RSRC1: variants seen among roughly 807,000 people sequenced by gnomAD.
The protein encoded by RSRC1 is arginine and serine rich coiled-coil 1, also known as serine/Arginine-related protein 53.
A neutral mutation model predicts 49.1 loss-of-function variants in RSRC1; 39 were observed. The ratio of observed to expected loss-of-function variants is 0.79; its 90% CI spans 0.61 to 1.04. The LOEUF is 1.04. RSRC1 is among the 50% of genes least tolerant of loss of function. RSRC1 has a pLI of 0.00. For missense variants in RSRC1, 388 were observed against 402.4 expected, an observed-to-expected ratio of 0.96 and a Z score of 0.31; for synonymous variants, 143 against 130.8, an observed-to-expected ratio of 1.09 and a Z score of -0.63.
At chr3:158,336,100 T>G (rs1729868099) in intron 5 of RSRC1, among the ~76,000 whole-genome samples, 1 of 152,230 alleles carries the variant, frequency 6.6e-6, no homozygotes, top group Non-Finnish European at 1.5e-5. Context: ...CACTTATCTT[T>G]GGGCACATTT....
At chr3:158,487,287 A>G (rs1345592213) in intron 7 of RSRC1, among the ~76,000 whole-genome samples, 1 of 108,682 alleles carries the variant, frequency 9.2e-6, no homozygotes. Flanking sequence ...TTAAATATTC[A>G]ATTTATAATT....
intron 7 of RSRC1, among the ~76,000 whole-genome samples, chr3:158,494,190 A>G (rs928446764): frequency 6.6e-6 from 1 of 152,162 alleles, no homozygotes; most frequent in Non-Finnish European, 1.5e-5. Flanking sequence ...CCTACTACAC[A>G]CCTCAACTAT....
At chr3:158,194,510 A>G (rs1253262429) in intron 3 of RSRC1, among the ~76,000 whole-genome samples, 2 of 122,386 alleles carry the variant, frequency 1.6e-5, no homozygotes, top group African/African-American at 6.4e-5. Flanking sequence ...TTTTTTTTTA[A>G]TTATACATTA....
chr3:158,229,730 T>C (rs1722846373), intron 4 of RSRC1, among the ~76,000 whole-genome samples: 1 of 151,268 alleles, frequency 6.6e-6, no homozygotes, highest in Admixed American at 6.6e-5. Context: ...TCCAGACTCA[T>C]CAATTGTTTA....
chr3:158,195,193 A>G (rs146716269), intron 3 of RSRC1, among the ~76,000 whole-genome samples: 11,684 of 152,152 alleles, frequency 0.077, 545 homozygotes, highest in South Asian at 0.13. Flanking sequence ...CGCCATTCTA[A>G]TGGGTGTGAG....
At chr3:158,357,063 G>A (rs547690964) in intron 6 of RSRC1, among the ~76,000 whole-genome samples, 40 of 152,248 alleles carry the variant, frequency 2.6e-4, no homozygotes, top group African/African-American at 9.6e-4. Flanking sequence ...TTTTGGCCTA[G>A]GCCCGATAAG....
intron 3 of RSRC1, among the ~76,000 whole-genome samples, chr3:158,184,183 C>T (rs947594937): frequency 1.3e-5 from 2 of 151,906 alleles, no homozygotes; most frequent in Admixed American, 1.3e-4. Context: ...TTATTCATTA[C>T]TAGGTTGCCT....
chr3:158,146,137 T>G (rs1034460001), intron 3 of RSRC1, among the ~76,000 whole-genome samples: 29 of 152,210 alleles, frequency 1.9e-4, no homozygotes, highest in Non-Finnish European at 3.4e-4. Context: ...TCCTGCCTGA[T>G]TGCCCTGGTC....
intron 7 of RSRC1, among the ~76,000 whole-genome samples, chr3:158,518,741 C>T (rs1560074116): frequency 2.0e-5 from 3 of 152,114 alleles, no homozygotes; most frequent in Non-Finnish European, 4.4e-5. Context: ...CTCTGAGCAG[C>T]ATTTAACTCA....
At chr3:158,514,882 T>G (rs991809836) in intron 7 of RSRC1, among the ~76,000 whole-genome samples, 8 of 152,196 alleles carry the variant, frequency 5.3e-5, no homozygotes, top group Admixed American at 2.0e-4. Context: ...TGGCCTTCTT[T>G]GTCTCTTTTG....
chr3:158,286,425 A>T (rs1726562451), intron 4 of RSRC1, among the ~76,000 whole-genome samples: 1 of 152,202 alleles, frequency 6.6e-6, no homozygotes, highest in African/African-American at 2.4e-5. Context: ...CAGATTATGT[A>T]AAGCACTTGT....
rs1231102876 is a variant in RSRC1, at chr3:158,497,670, C to T, written c.652+36667C>T. 4.6e-5 allele frequency among the ~76,000 whole-genome samples: 7 copies of T among 151,938 alleles called. No homozygotes were observed. In the East Asian group the frequency reaches 1.4e-3, roughly 29 times the overall value. ...CAGGATGACCTCGATCTCTTGACCT[C>T]GTGATCCGCCTGCCTCAGCCTCCCA... On this transcript the variant is annotated intron_variant, in intron 7 of 9. Coordinates refer to ENST00000611884, the MANE Select transcript of RSRC1 (RefSeq NM_001271838.2).
intron 7 of RSRC1, among the ~76,000 whole-genome samples, chr3:158,476,305 A>C (rs1490368985): frequency 3.3e-5 from 5 of 152,218 alleles, no homozygotes; most frequent in African/African-American, 1.2e-4. Context: ...GATCTAGCTA[A>C]GATCACTGAT....
At chr3:158,525,608 A>C (rs1711965266) in intron 7 of RSRC1, among the ~76,000 whole-genome samples, 1 of 152,010 alleles carries the variant, frequency 6.6e-6, no homozygotes, top group African/African-American at 2.4e-5. Context: ...TTGTACATGA[A>C]TGTTATAGCA....
At position 158,250,676 on chromosome 3, in the gene RSRC1, T is replaced by G. The variant is rs182084406; in HGVS notation, c.495-47363T>G. Among the ~76,000 whole-genome samples, 28 of 152,340 alleles carry G rather than the reference T, an allele frequency of 1.8e-4. No individual in the cohort carries two copies. The Middle Eastern group carries it at 0.01, about 56-fold the overall frequency. The stretch of plus-strand genomic sequence containing the variant: ...TTTAAATCAGATCATAATATTTTTT[T>G]CATATTGAGGTTATTGAGTTCCTTA... On this transcript the variant is annotated intron_variant, in intron 4 of 9. Coordinates refer to ENST00000611884, the MANE Select transcript of RSRC1 (RefSeq NM_001271838.2).
chr3:158,278,770 T>C (rs1041719688), intron 4 of RSRC1, among the ~76,000 whole-genome samples: 1 of 152,234 alleles, frequency 6.6e-6, no homozygotes, highest in South Asian at 2.1e-4. Flanking sequence ...CTTTCATTGA[T>C]TGGTTGACAA....
chr3:158,383,382 A>G (rs1230483472), intron 6 of RSRC1, among the ~76,000 whole-genome samples: 2 of 152,130 alleles, frequency 1.3e-5, no homozygotes, highest in East Asian at 3.8e-4. Context: ...ATTCGAGAAT[A>G]CTGGTATCTG....
At chr3:158,192,592 G>A (rs1206762518) in intron 3 of RSRC1, among the ~76,000 whole-genome samples, 1 of 152,006 alleles carries the variant, frequency 6.6e-6, no homozygotes, top group South Asian at 2.1e-4. Context: ...GCAGTATCCC[G>A]TTTTTCTATA....
In RSRC1 at chr3:158,348,616, G is replaced by A. The variant is rs117351814; in HGVS notation, c.532-6241G>A. Among the ~76,000 whole-genome samples, 43 of 151,586 alleles carry A rather than the reference G, an allele frequency of 2.8e-4. No individual in the cohort carries two copies. The East Asian group carries it at 8.2e-3, about 29-fold the overall frequency. ...TTTATTTTAGAGTTTGGGGATACAT[G>A]TGCTTTTTTGTTACATGTTTATTAC... On this transcript the variant is annotated intron_variant, in intron 5 of 9. Transcript: ENST00000611884.
Sources: gnomAD v4.1 joint callset for allele counts (sites outside exome capture counted in the v4.1 genomes callset) on GRCh38, gnomAD v4.1.1 for gene constraint, MANE v1.5 for transcripts, NCBI Gene and HGNC (gene_info 2026-07-23, HGNC 2026-07-21) for gene names.